ZSWIM4: variants seen among roughly 807,000 people sequenced by gnomAD.
ZSWIM4 encodes zinc finger SWIM-type containing 4.
In ZSWIM4, 62 loss-of-function variants were observed where a neutral mutation model predicts 102.5. That is an observed-to-expected ratio of 0.60 (90% CI 0.49 to 0.75). The LOEUF is 0.75. Among genes scored for constraint, ZSWIM4 ranks in the 30% least tolerant of loss-of-function variants. The pLI, the probability that ZSWIM4 is intolerant of heterozygous loss-of-function variation, is 0.00. For synonymous variants in ZSWIM4, 652 were observed against 674.5 expected (o/e 0.97, Z 0.52); for missense variants, 1,280 against 1,529.6 (o/e 0.84, Z 2.72).
rs1223346440 is a variant in ZSWIM4 at position 13,830,474 on chromosome 19, C to CGGCCTG, written c.2750_2755dup (p.Leu917_Gly918dup). The CGGCCTG allele has an allele frequency of 4.4e-6, 7 of 1,602,502 alleles. No individual in the cohort carries two copies. In the African/African-American group the frequency reaches 9.3e-5, roughly 21 times the overall value. On this transcript the variant is annotated inframe_insertion, in exon 14 of 14. Coordinates refer to ENST00000590508, the MANE Select transcript of ZSWIM4 (RefSeq NM_001367834.3). ...AGATCGTGCTGGACGCGGCGGCCGGCGGCCTGGGCCACGCCCACCTCTTCA... is the reference window on the plus strand; with the variant it reads ...AGATCGTGCTGGACGCGGCGGCCGGCGGCCTGGGCCTGGGCCACGCCCACCTCTTCA...
At chr19:13,813,931 AAAAAGAAAG>A in intron 6 of ZSWIM4, among the ~76,000 whole-genome samples, 1 of 151,822 alleles carries the variant, frequency 6.6e-6, no homozygotes, top group African/African-American at 2.4e-5. Flanking sequence ...AAAAAAAAAA[AAAAAGAAAG>A]AAAGAAAGAA....
Position 13,814,501 on chromosome 19 carries a change from G to C in ZSWIM4, c.1181-14G>C. On this transcript the variant is annotated splice_polypyrimidine_tract_variant and intron_variant, in intron 6 of 13. Transcript: ENST00000590508. ...ACCCCCCCTCACTGAGCCATGTTGG[G>C]TGCCTCTCTGCAGGCTCGGAGGAAG... The C allele has an allele frequency of 8.7e-7, 1 of 1,149,648 alleles. No homozygotes were observed. The highest frequency in any genetic ancestry group is 1.1e-6 in the Non-Finnish European group (1 of 916,352). 71.2% of individuals were successfully genotyped at this position (1,149,648 alleles called of 1,614,324 possible).
chr19:13,809,756 A>G lies in ZSWIM4; in HGVS notation c.1012+536A>G, dbSNP rs1284889688. On this transcript the variant is annotated intron_variant, in intron 5 of 13. Coordinates refer to ENST00000590508, the MANE Select transcript of ZSWIM4 (RefSeq NM_001367834.3). The surrounding 1 kb of genome is among the most constrained non-coding windows in gnomAD (Gnocchi z 4.2). Reference sequence around the variant, plus strand: ...CAGCCTCCCAAAGTACTGAGATGACATGCATGAGCCACCACACCCAGCCTA... The same window carrying G: ...CAGCCTCCCAAAGTACTGAGATGACGTGCATGAGCCACCACACCCAGCCTA... Among the ~76,000 whole-genome samples the G allele has an allele frequency of 6.6e-6, 1 of 152,150 alleles. No homozygotes were observed.
At position 13,809,255 on chromosome 19, in the gene ZSWIM4, G is replaced by A. The variant is rs769684709; in HGVS notation, c.1012+35G>A. 2.6e-6 allele frequency: 4 copies of A among 1,564,202 alleles called. No individual in the cohort carries two copies. Among genetic ancestry groups the A allele is most frequent in the Non-Finnish European group, 3.5e-6 (4 of 1,155,576 alleles). On this transcript the variant is annotated intron_variant, in intron 5 of 13. Coordinates refer to ENST00000590508, the MANE Select transcript of ZSWIM4 (RefSeq NM_001367834.3). The surrounding 1 kb of genome is among the most constrained non-coding windows in gnomAD (Gnocchi z 4.2). ...AAACCCCGGTGCGTGGTGGACACCG[G>A]GACTTCGGCTCCCATGGGGGCTGGC... is the stretch of plus-strand genomic sequence containing the variant.
rs1056596273 is a variant in ZSWIM4 at position 13,822,107 on chromosome 19, C to A, written c.2061-1239C>A. Among the ~76,000 whole-genome samples the A allele has an allele frequency of 2.0e-5, 3 of 151,846 alleles. No individual in the cohort carries two copies. In the East Asian group the frequency reaches 5.8e-4, roughly 29 times the overall value. Reference sequence around the variant, plus strand: ...CAGGTTGGTCTCAAATTCCTGGCCTCAAGCGACCCTCTCGCCTTGGCCCAT... The same window carrying A: ...CAGGTTGGTCTCAAATTCCTGGCCTAAAGCGACCCTCTCGCCTTGGCCCAT... On this transcript the variant is annotated intron_variant, in intron 10 of 13. Coordinates refer to ENST00000590508, the MANE Select transcript of ZSWIM4 (RefSeq NM_001367834.3).
At chr19:13,798,851 C>T (rs573619523) in intron 1 of ZSWIM4, among the ~76,000 whole-genome samples, 13 of 152,230 alleles carry the variant, frequency 8.5e-5, no homozygotes, top group African/African-American at 3.1e-4. Context: ...TGCAATGGCG[C>T]AATCTCGGCT....
intron 10 of ZSWIM4, among the ~76,000 whole-genome samples, chr19:13,820,488 G>A (rs1394569665): frequency 2.0e-5 from 3 of 152,186 alleles, no homozygotes; most frequent in Admixed American, 2.0e-4. Context: ...CGCCCACCTT[G>A]GCTTTCCAAA....
chr19:13,816,641 TAAAAA>T (rs1162697328), intron 7 of ZSWIM4, among the ~76,000 whole-genome samples: 3 of 151,516 alleles, frequency 2.0e-5, no homozygotes, highest in African/African-American at 7.3e-5. Context: ...AGAAAAAATT[TAAAAA>T]AAGAAAAAGG....
chr19:13,812,311 T>A (rs1227133095), intron 5 of ZSWIM4, among the ~76,000 whole-genome samples: 2 of 152,024 alleles, frequency 1.3e-5, no homozygotes. Flanking sequence ...TGTTTTGTTT[T>A]GAGATCGAGT....
intron 10 of ZSWIM4, among the ~76,000 whole-genome samples, chr19:13,821,005 C>T (rs979763327): frequency 1.3e-5 from 2 of 152,070 alleles, no homozygotes; most frequent in African/African-American, 4.8e-5. Flanking sequence ...CCAACTTGGC[C>T]GGGCATGGTG....
At chr19:13,826,690 A>C (rs758800370) in intron 12 of ZSWIM4, among the ~76,000 whole-genome samples, 2 of 152,044 alleles carry the variant, frequency 1.3e-5, no homozygotes, top group African/African-American at 4.8e-5. Context: ...GCTTGAACCC[A>C]GGAGGGAGAG....
intron 3 of ZSWIM4, among the ~76,000 whole-genome samples, chr19:13,806,669 C>A (rs201249183): frequency 0.024 from 2,933 of 122,716 alleles, 75 homozygotes; most frequent in African/African-American, 0.076. Context: ...ACTCAAAAAA[C>A]AAAAAAAAAA....
intron 11 of ZSWIM4, among the ~76,000 whole-genome samples, chr19:13,824,651 G>A (rs1431254552): frequency 6.6e-6 from 1 of 151,968 alleles, no homozygotes; most frequent in African/African-American, 2.4e-5. Context: ...AGAATCACTT[G>A]AACCCGGGAG....
intron 2 of ZSWIM4, among the ~76,000 whole-genome samples, chr19:13,803,806 GAAAAAAAAA>G (rs36078549): frequency 3.0e-5 from 2 of 67,590 alleles, no homozygotes; most frequent in African/African-American, 1.1e-4. Context: ...CTCTGTCTCA[GAAAAAAAAA>G]AAAAAAAAAG....
intron 9 of ZSWIM4, 65 bp downstream of exon 9, chr19:13,818,041 G>T: frequency 7.0e-7 from 1 of 1,426,166 alleles, no homozygotes; most frequent in South Asian, 1.5e-5. Flanking sequence ...GTCCTGTAGC[G>T]GCCCGGTTGC....
In ZSWIM4 at chr19:13,799,873, G is replaced by A. The variant is rs765220980; in HGVS notation, c.307G>A (p.Gly103Arg). 4 of 1,613,176 alleles carry A rather than the reference G, an allele frequency of 2.5e-6. No individual in the cohort carries two copies. The highest frequency in any genetic ancestry group is 2.5e-6 in the Non-Finnish European group (3 of 1,179,986). The change falls in exon 2 of 14, where the codon GGG becomes AGG. Residue 103 changes from glycine (G) to arginine (R), a missense_variant. Coordinates refer to ENST00000590508, the MANE Select transcript of ZSWIM4 (RefSeq NM_001367834.3). ...EHDARVPFTR[G>R]LHLLQSGAVD... ...CGATGCCCGGGTGCCCTTTACCCGC[G>A]GGCTGCACCTGCTCCAGAGCGGGGC... is the stretch of plus-strand genomic sequence containing the variant.
intron 11 of ZSWIM4, among the ~76,000 whole-genome samples, chr19:13,823,866 A>G (rs1320572189): frequency 6.6e-6 from 1 of 152,240 alleles, no homozygotes; most frequent in East Asian, 1.9e-4. Flanking sequence ...ACAAAACACC[A>G]GAGACTGCGT....
In ZSWIM4 at chr19:13,830,546, C is replaced by T. The variant is rs1379360003; in HGVS notation, c.2817C>T (p.Tyr939=). ...MEHRGLPLRA[Y]KLATLALAQL... ...ACCGCGGGCTGCCGCTCCGGGCCTACAAGCTGGCGACGCTGGCCCTGGCGC... is the reference window on the plus strand; with the variant it reads ...ACCGCGGGCTGCCGCTCCGGGCCTATAAGCTGGCGACGCTGGCCCTGGCGC... Residue 939 remains tyrosine (Y), a synonymous_variant, in exon 14 of 14, where the codon TAC becomes TAT. Transcript: ENST00000590508. The T allele has an allele frequency of 6.3e-7, 1 of 1,599,556 alleles. No homozygotes were observed. The highest frequency in any genetic ancestry group is 8.5e-7 in the Non-Finnish European group (1 of 1,179,508).
intron 10 of ZSWIM4, 29 bp from the exon 11 acceptor site, chr19:13,823,316 TC>T (rs773983238): frequency 1.3e-6 from 2 of 1,594,190 alleles, no homozygotes; most frequent in South Asian, 2.2e-5. Context: ...CAGCCCCTCC[TC>T]ACCATGGCTC....
Sources: gnomAD v4.1 joint callset for allele counts (sites outside exome capture counted in the v4.1 genomes callset) on GRCh38, gnomAD v4.1.1 for gene constraint, Gnocchi (gnomAD v3.1) non-coding constraint, MANE v1.5 for transcripts, NCBI Gene and HGNC (gene_info 2026-07-23, HGNC 2026-07-21) for gene names.